TCF12: variants seen among roughly 807,000 people sequenced by gnomAD.
The protein encoded by TCF12 is DNA-binding protein HTF4.
TCF12 carries 45 observed loss-of-function variants against 86.0 expected under a neutral mutation model. That is an observed-to-expected ratio of 0.52 (90% CI 0.41 to 0.67). The LOEUF is 0.67. Among genes scored for constraint, TCF12 ranks in the 30% least tolerant of loss-of-function variants. The pLI, the probability that TCF12 is intolerant of heterozygous loss-of-function variation, is 0.00. For missense variants in TCF12, 881 were observed against 859.9 expected, an observed-to-expected ratio of 1.02 and a Z score of -0.31; for synonymous variants, 330 against 299.6, an observed-to-expected ratio of 1.10 and a Z score of -1.05.
chr15:57,170,693 TATATTATATATA>T (rs2055326347), intron 6 of TCF12, among the ~76,000 whole-genome samples: 1 of 1,868 alleles, frequency 5.4e-4, no homozygotes, highest in Non-Finnish European at 9.3e-4. Flanking sequence ...ATATATAATA[TATATTATATATA>T]ATATATAATA....
intron 3 of TCF12, among the ~76,000 whole-genome samples, chr15:56,966,939 A>G (rs760328781): frequency 6.6e-6 from 1 of 152,194 alleles, no homozygotes; most frequent in Non-Finnish European, 1.5e-5. Context: ...CCTGGCCAAC[A>G]TGGTGAAAAC....
intron 3 of TCF12, among the ~76,000 whole-genome samples, chr15:56,991,648 G>T (rs1263352545): frequency 6.6e-6 from 1 of 152,074 alleles, no homozygotes; most frequent in Non-Finnish European, 1.5e-5. Context: ...AGATTTAAAA[G>T]ACATTTAGGG....
chr15:57,256,454 C>T (rs1300262570), intron 16 of TCF12, among the ~76,000 whole-genome samples: 1 of 152,094 alleles, frequency 6.6e-6, no homozygotes, highest in Non-Finnish European at 1.5e-5. Context: ...GAGTTAATCT[C>T]CAGCTTTTAT....
At chr15:56,962,573 A>C (rs1432572418) in intron 3 of TCF12, among the ~76,000 whole-genome samples, 2 of 152,180 alleles carry the variant, frequency 1.3e-5, no homozygotes, top group Admixed American at 1.3e-4. Context: ...TAATTATGTA[A>C]AAAGCAAATC....
At chr15:57,280,091 C>T (rs918503917) in intron 19 of TCF12, among the ~76,000 whole-genome samples, 3 of 151,876 alleles carry the variant, frequency 2.0e-5, no homozygotes, top group African/African-American at 7.3e-5. Context: ...GATCGGGTTT[C>T]ACCATGCAGG....
chr15:56,987,228 C>T (rs1478005910), intron 3 of TCF12, among the ~76,000 whole-genome samples: 1 of 152,102 alleles, frequency 6.6e-6, no homozygotes, highest in East Asian at 1.9e-4. Flanking sequence ...TCTCCTGCCT[C>T]AGCCCCTTCT....
At chr15:56,918,412 G>A (rs989270536), upstream of TCF12, 4 of 361,428 alleles carry the variant, frequency 1.1e-5, no homozygotes, top group Admixed American at 1.0e-4. Context: ...GCGAGCGGTC[G>A]GGGCCTGCTT....
chr15:57,270,557 C>T (rs2061088953), intron 18 of TCF12, among the ~76,000 whole-genome samples: 1 of 152,196 alleles, frequency 6.6e-6, no homozygotes, highest in Non-Finnish European at 1.5e-5. Flanking sequence ...CTGAAGCCTA[C>T]TTCTGTCAAC....
intron 3 of TCF12, among the ~76,000 whole-genome samples, chr15:57,061,698 T>C (rs1274541702): frequency 6.6e-6 from 1 of 152,224 alleles, no homozygotes; most frequent in Non-Finnish European, 1.5e-5. Flanking sequence ...AAGTTATGGT[T>C]TGATTATTTT....
rs150489894 is a variant in TCF12, at chr15:57,043,117, C to G, written c.149-20633C>G. Among the ~76,000 whole-genome samples the G allele has an allele frequency of 3.5e-3, 537 of 152,178 alleles. 2 individuals carry two copies. Among genetic ancestry groups the G allele is most frequent in the African/African-American group, 0.012 (518 of 41,518 alleles). ...TAAGGCTAAATAATATTTTATTGCACGTGTGTACCACATTTTCTTTATTTT... is the reference window on the plus strand; with the variant it reads ...TAAGGCTAAATAATATTTTATTGCAGGTGTGTACCACATTTTCTTTATTTT... On this transcript the variant is annotated intron_variant, in intron 3 of 20. Coordinates refer to ENST00000333725, the MANE Select transcript of TCF12 (RefSeq NM_207037.2).
chr15:57,227,752 G>T lies in TCF12; in HGVS notation c.580-3400G>T, dbSNP rs150780380. On this transcript the variant is annotated intron_variant, in intron 8 of 20. Coordinates refer to ENST00000333725, the MANE Select transcript of TCF12 (RefSeq NM_207037.2). Reference sequence around the variant, plus strand: ...GGGAAAGTATAAGTGCTTGGGAAAAGAGTTGGTCCCATGGTAGCTACTGTG... The same window carrying T: ...GGGAAAGTATAAGTGCTTGGGAAAATAGTTGGTCCCATGGTAGCTACTGTG... Among the ~76,000 whole-genome samples the T allele has an allele frequency of 2.5e-3, 380 of 152,162 alleles. 2 individuals are homozygous for T. The highest frequency in any genetic ancestry group is 0.01 in the Middle Eastern group (3 of 294).
intron 4 of TCF12, among the ~76,000 whole-genome samples, chr15:57,085,200 C>CA (rs2048544849): frequency 1.3e-5 from 2 of 152,108 alleles, no homozygotes; most frequent in African/African-American, 2.4e-5. Context: ...TCATTACACA[C>CA]AAAATTCTAT....
chr15:57,018,374 A>G (rs932135137), intron 3 of TCF12, among the ~76,000 whole-genome samples: 3 of 152,242 alleles, frequency 2.0e-5, no homozygotes, highest in Non-Finnish European at 2.9e-5. Flanking sequence ...AGCAGTTTCA[A>G]CAGATGACTG....
rs569775553 is a variant in TCF12 at position 57,118,954 on chromosome 15, T to C, written c.325+27063T>C. Reference sequence around the variant, plus strand: ...AAGCTAACATTTTTTTCCTTTTTTTTCCCCCAAAGGATATAATGTATTATC... The same window carrying C: ...AAGCTAACATTTTTTTCCTTTTTTTCCCCCCAAAGGATATAATGTATTATC... On this transcript the variant is annotated intron_variant, in intron 5 of 20. Transcript: ENST00000333725. Among the ~76,000 whole-genome samples, 15 of 152,294 alleles carry C rather than the reference T, an allele frequency of 9.8e-5. No homozygotes were observed. In the South Asian group the frequency reaches 1.0e-3, roughly 11 times the overall value.
At position 57,136,305 on chromosome 15, in the gene TCF12, C is replaced by CA. The variant is rs1346346845; in HGVS notation, c.326-30091dup. 6.6e-5 allele frequency among the ~76,000 whole-genome samples: 10 copies of CA among 152,256 alleles called. No individual in the cohort carries two copies. The South Asian group carries it at 1.5e-3, about 22-fold the overall frequency. On this transcript the variant is annotated intron_variant, in intron 5 of 20. Transcript: ENST00000333725. ...AGCTTTTTAACCATCTTTGCTGTGT[C>CA]AAAAAACACTGGAAGTGGGAAGGAA...
At chr15:56,953,211 A>T (rs942683378) in intron 3 of TCF12, among the ~76,000 whole-genome samples, 1 of 152,014 alleles carries the variant, frequency 6.6e-6, no homozygotes, top group Admixed American at 6.5e-5. Context: ...TGTGGCTATG[A>T]GGCATTATTC....
chr15:56,920,131 G>C, intron 2 of TCF12, 143 bp downstream of exon 2: 1 of 884,756 alleles, frequency 1.1e-6, no homozygotes, highest in Non-Finnish European at 1.8e-6. Context: ...TTAAGCAGTA[G>C]TTCTCAGGGC....
intron 16 of TCF12, among the ~76,000 whole-genome samples, chr15:57,259,010 G>T (rs898993586): frequency 6.6e-6 from 1 of 152,070 alleles, no homozygotes; most frequent in African/African-American, 2.4e-5. Context: ...TGTTTCAACT[G>T]AATAGAAAGA....
chr15:56,938,013 C>CT (rs1219848986), intron 3 of TCF12, among the ~76,000 whole-genome samples: 6 of 42,382 alleles, frequency 1.4e-4, no homozygotes, highest in East Asian at 5.3e-4. Flanking sequence ...CTGTAGTTTG[C>CT]TTTTTTTTTC....
Sources: allele counts gnomAD v4.1 joint callset (sites outside exome capture counted in the v4.1 genomes callset), GRCh38; gene constraint gnomAD v4.1.1; transcripts MANE v1.5; gene names NCBI Gene and HGNC (gene_info 2026-07-23, HGNC 2026-07-21).